Variants in NPIPB2 observed in about 807,000 individuals in gnomAD.
NPIPB2 encodes the protein nuclear pore complex interacting protein family member B2.
In NPIPB2, 27 loss-of-function variants were observed where a neutral mutation model predicts 30.8. The ratio of observed to expected loss-of-function variants is 0.88; its 90% CI spans 0.65 to 1.21. The LOEUF (loss-of-function observed/expected upper bound fraction) is 1.21, where lower values mean the gene tolerates loss of function less well. NPIPB2 is among the 50% of genes most tolerant of loss of function. NPIPB2 has a pLI of 0.00. For missense variants in NPIPB2, 440 were observed against 446.2 expected (o/e 0.99, Z 0.13); for synonymous variants, 147 against 162.0 (o/e 0.91, Z 0.70).
intron 1 of NPIPB2, chr16:11,966,303 T>C (rs768479335): frequency 3.7e-6 from 6 of 1,613,966 alleles, no homozygotes; most frequent in Non-Finnish European, 5.1e-6. Context: ...CTAAGGAAGA[T>C]AAACTCTGAA....
At chr16:11,966,889 G>T (rs898961491) in intron 1 of NPIPB2, 2 of 152,842 alleles carry the variant, frequency 1.3e-5, no homozygotes, top group Admixed American at 1.3e-4. Context: ...TTCTACTTAA[G>T]TGCCTCTTAA....
At chr16:11,933,876 A>G (rs2054827649) in exon 3 of NPIPB2, 7 of 1,566,464 alleles carry the variant, frequency 4.5e-6, no homozygotes, top group Non-Finnish European at 6.1e-6. Flanking sequence ...ACATCTGTGG[A>G]TACATCATGT....
chr16:11,967,457 A>G, intron 1 of NPIPB2: 1 of 1,185,462 alleles, frequency 8.4e-7, no homozygotes, highest in Non-Finnish European at 1.2e-6. Flanking sequence ...CCACCTCTAA[A>G]AAATGAAAAA....
intron 1 of NPIPB2, among the ~76,000 whole-genome samples, chr16:11,957,780 A>T (rs72782778): frequency 0.081 from 12,279 of 152,132 alleles, 777 homozygotes; most frequent in Admixed American, 0.18. Context: ...GTGGATTTCA[A>T]ACTCAGTACT....
intron 1 of NPIPB2, among the ~76,000 whole-genome samples, chr16:11,964,198 C>G (rs1193397755): frequency 6.6e-6 from 1 of 151,924 alleles, no homozygotes; most frequent in Non-Finnish European, 1.5e-5. Flanking sequence ...GTGATGACTT[C>G]TGGATGCTTG....
At chr16:11,949,404 TC>T (rs1468018682) in intron 1 of NPIPB2, among the ~76,000 whole-genome samples, 1 of 152,140 alleles carries the variant, frequency 6.6e-6, no homozygotes, top group Non-Finnish European at 1.5e-5. Context: ...CAAAGCAGAT[TC>T]CCACCCAGGC....
intron 1 of NPIPB2, among the ~76,000 whole-genome samples, chr16:11,965,758 T>C (rs1293811626): frequency 6.6e-6 from 1 of 152,218 alleles, no homozygotes; most frequent in East Asian, 1.9e-4. Context: ...AAATAATCCA[T>C]ACTTGATTAT....
chr16:11,947,375 C>T (rs939961127), intron 1 of NPIPB2, among the ~76,000 whole-genome samples: 4 of 149,798 alleles, frequency 2.7e-5, no homozygotes, highest in Admixed American at 1.3e-4. Flanking sequence ...GATGGAGTCT[C>T]GCTCTGTCGC....
chr16:11,969,179 T>C (rs1046939120), intron 1 of NPIPB2, among the ~76,000 whole-genome samples: 3 of 152,074 alleles, frequency 2.0e-5, no homozygotes, highest in African/African-American at 7.2e-5. Context: ...AGTCATACGC[T>C]TCTATGGTTA....
upstream of NPIPB2, among the ~76,000 whole-genome samples, chr16:11,944,971 G>A (rs2054989790): frequency 6.6e-6 from 1 of 151,212 alleles, no homozygotes; most frequent in Non-Finnish European, 1.5e-5. Context: ...CTGAGGTCGG[G>A]AGTTCAAGGC....
At chr16:11,927,479 G>A in exon 8 of NPIPB2, 3 of 1,261,620 alleles carry the variant, frequency 2.4e-6, no homozygotes, top group African/African-American at 4.1e-5. Context: ...GGGTTCGGGT[G>A]GTGATTCCAC....
Position 11,967,810 on chromosome 16 carries a change from G to C in NPIPB2, c.-584+8758C>G, listed in dbSNP as rs1229747401. 6.2e-7 allele frequency: 1 copy of C among 1,614,188 alleles called. No individual in the cohort carries two copies. The highest frequency in any genetic ancestry group is 8.5e-7 in the Non-Finnish European group (1 of 1,180,030). On this transcript the variant is annotated intron_variant, in intron 1 of 5. Coordinates refer to the NPIPB2 transcript ENST00000538896. ...TGCAAGAGCCTGCCAGCTGCTTTGA[G>C]TGCTACGGAGATAGAGAAATCAATT...
chr16:11,974,300 C>G (rs1246332747), intron 1 of NPIPB2, among the ~76,000 whole-genome samples: 3 of 151,468 alleles, frequency 2.0e-5, no homozygotes, highest in African/African-American at 7.3e-5. Context: ...GGTGGATCAC[C>G]TGAGGTCAGG....
rs761267408 is a variant in NPIPB2, at chr16:11,927,429, C to A, written c.1138G>T (p.Glu380Ter). The A allele has an allele frequency of 3.7e-5, 43 of 1,177,256 alleles. No homozygotes were observed. Among genetic ancestry groups the A allele is most frequent in the Admixed American group, 1.6e-4 (8 of 50,858 alleles). 72.9% of individuals were successfully genotyped at this position (1,177,256 alleles called of 1,614,324 possible). ...TTACTCAACCTCCGCCTCTTGGGCTCGGGTGATGATGGTTCCACCTCAGCG... is the reference window on the plus strand; with the variant it reads ...TTACTCAACCTCCGCCTCTTGGGCTAGGGTGATGATGGTTCCACCTCAGCG... Residue 380 changes from glutamate to a stop codon, truncating the protein, a stop_gained, in exon 8 of 8, where the codon GAG becomes TAG. Coordinates refer to ENST00000399147, the Ensembl canonical transcript of NPIPB2. LOFTEE classifies it high-confidence loss of function.
chr16:11,945,023 A>AAT (rs1269824642), upstream of NPIPB2, among the ~76,000 whole-genome samples: 1 of 133,526 alleles, frequency 7.5e-6, no homozygotes, highest in African/African-American at 2.9e-5. Context: ...TACTAAAAAT[A>AAT]AAAAAAAAAA....
chr16:11,927,434 G>T lies in NPIPB2; in HGVS notation c.1133C>A (p.Ser378Ter). 1.7e-6 allele frequency: 2 copies of T among 1,209,626 alleles called. No homozygotes were observed. The highest frequency in any genetic ancestry group is 2.4e-6 in the Non-Finnish European group (2 of 843,806). 74.9% of individuals were successfully genotyped at this position (1,209,626 alleles called of 1,614,324 possible). Residue 378 changes from serine to a stop codon, truncating the protein, a stop_gained, in exon 8 of 8, where the codon TCA becomes TAA. Transcript: ENST00000399147. LOFTEE classifies it high-confidence loss of function. ...CAACCTCCGCCTCTTGGGCTCGGGT[G>T]ATGATGGTTCCACCTCAGCGGCCCT...
At chr16:11,944,651 T>C (rs1478241813), upstream of NPIPB2, among the ~76,000 whole-genome samples, 1 of 134,356 alleles carries the variant, frequency 7.4e-6, no homozygotes, top group Non-Finnish European at 1.5e-5. Flanking sequence ...TAATCCCAGC[T>C]ACTTGGAAGG....
intron 1 of NPIPB2, among the ~76,000 whole-genome samples, chr16:11,957,227 TG>T (rs1237812952): frequency 6.7e-6 from 1 of 148,758 alleles, no homozygotes; most frequent in African/African-American, 2.5e-5. Context: ...TGCAGTGGTG[TG>T]ATCTCGGTTC....
chr16:11,947,184 G>A (rs905069021), intron 1 of NPIPB2, among the ~76,000 whole-genome samples: 2 of 147,216 alleles, frequency 1.4e-5, no homozygotes, highest in African/African-American at 2.5e-5. Context: ...AAACTCCTGG[G>A]CTCAGGATAT....
Sources: allele counts gnomAD v4.1 joint callset (sites outside exome capture counted in the v4.1 genomes callset), GRCh38; gene constraint gnomAD v4.1.1; transcripts MANE v1.5; gene names NCBI Gene and HGNC (gene_info 2026-07-23, HGNC 2026-07-21).